The following ACTR3C variants were observed in gnomAD, a reference collection of about 807,000 sequenced individuals.
ACTR3C encodes the protein actin related protein 3C.
ACTR3C carries 18 observed loss-of-function variants against 26.3 expected under a neutral mutation model. The ratio of observed to expected loss-of-function variants is 0.68; its 90% CI spans 0.47 to 1.01. The LOEUF (loss-of-function observed/expected upper bound fraction) is 1.01, where lower values mean the gene tolerates loss of function less well. ACTR3C is among the 50% of genes least tolerant of loss of function. ACTR3C has a pLI of 0.00. For missense variants in ACTR3C, 184 were observed against 250.7 expected (o/e 0.73, Z 1.80); for synonymous variants, 55 against 94.5 (o/e 0.58, Z 2.42).
At chr7:150,084,371 A>G in the ACTR3C span, among the ~76,000 whole-genome samples, 1 of 152,254 alleles carries the variant, frequency 6.6e-6, no homozygotes. Flanking sequence ...TCTGAGGGGG[A>G]AACTGAAATG....
chr7:149,891,602 C>T, the ACTR3C span, among the ~76,000 whole-genome samples: 1 of 151,826 alleles, frequency 6.6e-6, no homozygotes, highest in African/African-American at 2.4e-5. Flanking sequence ...AGGCAGGAGG[C>T]TCACCCGAGC....
the ACTR3C span, among the ~76,000 whole-genome samples, chr7:149,961,012 A>G: frequency 6.6e-6 from 1 of 152,216 alleles, no homozygotes; most frequent in African/African-American, 2.4e-5. Flanking sequence ...GTGGGCTCAC[A>G]GGAAGTGCAC....
chr7:150,228,749 C>T, the ACTR3C span, among the ~76,000 whole-genome samples: 1 of 151,590 alleles, frequency 6.6e-6, no homozygotes, highest in African/African-American at 2.4e-5. Flanking sequence ...TTTTAAAACA[C>T]TAGTCCTATG....
chr7:149,883,112 A>T, the ACTR3C span, among the ~76,000 whole-genome samples: 2 of 152,216 alleles, frequency 1.3e-5, no homozygotes, highest in Non-Finnish European at 2.9e-5. Context: ...GGGTGGTCAG[A>T]GGCCTGTTGT....
At chr7:150,028,565 G>A in the ACTR3C span, among the ~76,000 whole-genome samples, 1 of 152,308 alleles carries the variant, frequency 6.6e-6, no homozygotes. Context: ...CCGGCGCCGA[G>A]GCTGATCCCG....
At chr7:150,059,864 T>C in the ACTR3C span, among the ~76,000 whole-genome samples, 1 of 152,180 alleles carries the variant, frequency 6.6e-6, no homozygotes, top group Admixed American at 6.5e-5. Flanking sequence ...GCACAGGCCA[T>C]GTAGCACGCA....
chr7:149,966,973 A>G, the ACTR3C span, among the ~76,000 whole-genome samples: 1 of 142,154 alleles, frequency 7.0e-6, no homozygotes, highest in Admixed American at 7.3e-5. Flanking sequence ...GCAATTCTCC[A>G]GCCTCCACCT....
the ACTR3C span, among the ~76,000 whole-genome samples, chr7:150,141,694 C>T: frequency 6.6e-6 from 1 of 152,118 alleles, no homozygotes; most frequent in Non-Finnish European, 1.5e-5. Context: ...TCTCTGAACT[C>T]ATCTCAGCAG....
At chr7:150,081,199 A>G in the ACTR3C span, among the ~76,000 whole-genome samples, 1 of 150,008 alleles carries the variant, frequency 6.7e-6, no homozygotes, top group African/African-American at 2.5e-5. Context: ...GGAGGGAGGA[A>G]GGGAGGGAAG....
the ACTR3C span, among the ~76,000 whole-genome samples, chr7:150,112,823 GCTC>G: frequency 6.6e-6 from 1 of 152,064 alleles, no homozygotes; most frequent in Non-Finnish European, 1.5e-5. Flanking sequence ...CCCCAATTTA[GCTC>G]CTCCTGGCAT....
At chr7:150,253,312 C>T (rs1191609557) in intron 6 of ACTR3C, among the ~76,000 whole-genome samples, 4 of 152,186 alleles carry the variant, frequency 2.6e-5, no homozygotes, top group African/African-American at 9.7e-5. Flanking sequence ...TTTCAAGTTG[C>T]CTAAGTCTGC....
At chr7:150,198,991 GC>G in the ACTR3C span, among the ~76,000 whole-genome samples, 23 of 124,360 alleles carry the variant, frequency 1.8e-4, 1 homozygote, top group East Asian at 8.2e-4. Context: ...GGGGGGGTCA[GC>G]CCCCCTGCCC....
In ACTR3C at chr7:150,295,326, G is replaced by T. The variant is rs1563191816; in HGVS notation, c.-30C>A. 17 of 1,613,878 alleles carry T rather than the reference G, an allele frequency of 1.1e-5. No homozygotes were observed. The East Asian group carries it at 3.8e-4, about 36-fold the overall frequency. On this transcript the variant is annotated 5_prime_UTR_variant, in exon 2 of 8. Transcript: ENST00000683684. ...TCTGCAAGATACTCTCTGTTTTCTG[G>T]TGTATTGAGTGGAGGTTCTGTCTGT...
At chr7:149,917,635 C>CTTTTTTTTTT in the ACTR3C span, among the ~76,000 whole-genome samples, 4 of 93,642 alleles carry the variant, frequency 4.3e-5, no homozygotes, top group African/African-American at 8.9e-5. Context: ...TGTTTTACAT[C>CTTTTTTTTTT]TTTTTTTTTT....
At chr7:150,147,463 A>C in the ACTR3C span, among the ~76,000 whole-genome samples, 2 of 152,216 alleles carry the variant, frequency 1.3e-5, no homozygotes, top group African/African-American at 2.4e-5. Context: ...TAGAGATAAA[A>C]TATGCATATA....
At chr7:150,038,373 G>A in the ACTR3C span, among the ~76,000 whole-genome samples, 1 of 143,012 alleles carries the variant, frequency 7.0e-6, no homozygotes, top group Non-Finnish European at 1.5e-5. Context: ...CAATGGAAAA[G>A]GCTTTGTCAG....
chr7:150,048,955 C>A, the ACTR3C span, among the ~76,000 whole-genome samples: 1 of 152,150 alleles, frequency 6.6e-6, no homozygotes, highest in African/African-American at 2.4e-5. Context: ...GAGAGCCCGG[C>A]TGTGACCGTG....
At chr7:149,908,627 G>A in the ACTR3C span, among the ~76,000 whole-genome samples, 134 of 152,232 alleles carry the variant, frequency 8.8e-4, no homozygotes, top group African/African-American at 3.2e-3. Context: ...CAACATCGTG[G>A]CCCCCTAAAA....
At chr7:150,149,823 A>C in the ACTR3C span, among the ~76,000 whole-genome samples, 1 of 152,090 alleles carries the variant, frequency 6.6e-6, no homozygotes, top group African/African-American at 2.4e-5. Context: ...TGAGGTTATA[A>C]AGGTATTTGT....
Sources: gnomAD v4.1 joint callset for allele counts (sites outside exome capture counted in the v4.1 genomes callset) on GRCh38, gnomAD v4.1.1 for gene constraint, MANE v1.5 for transcripts, NCBI Gene and HGNC (gene_info 2026-07-23, HGNC 2026-07-21) for gene names.